Variants in TMEM108 observed in about 807,000 individuals in gnomAD.
TMEM108 encodes the protein transmembrane protein 108.
In TMEM108, 12 loss-of-function variants were observed where a neutral mutation model predicts 35.1. The ratio of observed to expected loss-of-function variants is 0.34; its 90% CI spans 0.22 to 0.55. The LOEUF (loss-of-function observed/expected upper bound fraction) is 0.55. TMEM108 is among the 20% of genes least tolerant of loss of function. The probability of loss-of-function intolerance (pLI) is 0.89; values close to 1 mark genes in which losing one functional copy is unlikely to be tolerated. For missense variants in TMEM108, 680 were observed against 753.3 expected (o/e 0.90, Z 1.14); for synonymous variants, 287 against 308.6 (o/e 0.93, Z 0.73).
At chr3:133,393,941 G>A (rs958973399) in intron 5 of TMEM108, among the ~76,000 whole-genome samples, 4 of 152,232 alleles carry the variant, frequency 2.6e-5, no homozygotes, top group African/African-American at 9.6e-5. Flanking sequence ...GTGATCTTCA[G>A]ACCAGGAGGG....
chr3:133,161,135 C>T (rs1944955785), intron 2 of TMEM108, among the ~76,000 whole-genome samples: 1 of 152,232 alleles, frequency 6.6e-6, no homozygotes, highest in African/African-American at 2.4e-5. Context: ...CCCGCCTCTA[C>T]CTTGGGCACC....
At chr3:133,149,943 A>G (rs1014427925) in intron 2 of TMEM108, among the ~76,000 whole-genome samples, 1 of 152,164 alleles carries the variant, frequency 6.6e-6, no homozygotes, top group East Asian at 1.9e-4. Context: ...TAGTGCTGCA[A>G]TAAATATGGG....
intron 2 of TMEM108, among the ~76,000 whole-genome samples, chr3:133,169,497 A>G (rs1343106002): frequency 6.6e-6 from 1 of 152,248 alleles, no homozygotes; most frequent in African/African-American, 2.4e-5. Flanking sequence ...GAGCTTGTGA[A>G]TGCTGCAGAT....
chr3:133,395,567 A>ATCTC lies in TMEM108; in HGVS notation c.1606-295_1606-292dup, dbSNP rs2073293151. Among the ~76,000 whole-genome samples the ATCTC allele has an allele frequency of 2.0e-5, 3 of 152,248 alleles. No homozygotes were observed. The South Asian group carries it at 6.2e-4, about 32-fold the overall frequency. ...AGACTTTGACAAGGAAAGCAGTACC[A>ATCTC]TCTCTGGCAACCTGGGATTGGGGTG... is the stretch of plus-strand genomic sequence containing the variant. On this transcript the variant is annotated intron_variant, in intron 5 of 5. Coordinates refer to ENST00000321871, the MANE Select transcript of TMEM108 (RefSeq NM_023943.4).
chr3:133,069,203 A>G (rs1382476929), intron 2 of TMEM108, among the ~76,000 whole-genome samples: 1 of 152,226 alleles, frequency 6.6e-6, no homozygotes, highest in Admixed American at 6.5e-5. Context: ...TTACTTAAGA[A>G]TGCAATTTCT....
chr3:133,223,078 GTC>G (rs1288559278), intron 2 of TMEM108, among the ~76,000 whole-genome samples: 24 of 152,226 alleles, frequency 1.6e-4, no homozygotes, highest in East Asian at 7.7e-4. Context: ...CAGTTTATAA[GTC>G]TCTGTTTCTT....
At chr3:133,353,073 A>G (rs1201752631) in intron 3 of TMEM108, among the ~76,000 whole-genome samples, 2 of 152,104 alleles carry the variant, frequency 1.3e-5, no homozygotes, top group Admixed American at 6.5e-5. Context: ...CCAAATATAT[A>G]TTTCTTATTA....
intron 2 of TMEM108, among the ~76,000 whole-genome samples, chr3:133,132,948 A>G (rs949832069): frequency 6.6e-6 from 1 of 152,218 alleles, no homozygotes; most frequent in African/African-American, 2.4e-5. Context: ...TGTAGTGGAA[A>G]TAGCAGGAAA....
intron 2 of TMEM108, among the ~76,000 whole-genome samples, chr3:133,175,545 A>C (rs1017817764): frequency 2.6e-5 from 4 of 152,180 alleles, no homozygotes; most frequent in African/African-American, 7.2e-5. Context: ...AGAATTTTCA[A>C]CCCAGAATTT....
At chr3:133,318,496 C>G (rs531708838) in intron 3 of TMEM108, among the ~76,000 whole-genome samples, 9 of 152,148 alleles carry the variant, frequency 5.9e-5, no homozygotes, top group African/African-American at 1.9e-4. Context: ...TAGTTGCAGT[C>G]CAAGAATTTA....
chr3:133,322,849 A>C (rs2071283818), intron 3 of TMEM108, among the ~76,000 whole-genome samples: 1 of 152,234 alleles, frequency 6.6e-6, no homozygotes, highest in Non-Finnish European at 1.5e-5. Flanking sequence ...CCAAGGATGC[A>C]GGGATGGTTT....
At chr3:133,064,236 A>C (rs539331391) in intron 2 of TMEM108, among the ~76,000 whole-genome samples, 37 of 152,332 alleles carry the variant, frequency 2.4e-4, no homozygotes, top group Non-Finnish European at 4.7e-4. Flanking sequence ...TGGTCACTCC[A>C]GAAGAGATTC....
At chr3:133,372,129 A>T (rs4479595) in intron 3 of TMEM108, among the ~76,000 whole-genome samples, 3 of 152,150 alleles carry the variant, frequency 2.0e-5, no homozygotes, top group Non-Finnish European at 4.4e-5. Context: ...GTTGCCCCCA[A>T]GTGTTGCTGC....
intron 3 of TMEM108, among the ~76,000 whole-genome samples, chr3:133,299,389 G>T (rs1037588043): frequency 6.6e-6 from 1 of 152,148 alleles, no homozygotes; most frequent in Non-Finnish European, 1.5e-5. Flanking sequence ...GTCAAGCCGT[G>T]TTCTCTAGAA....
intron 3 of TMEM108, among the ~76,000 whole-genome samples, chr3:133,359,605 C>A (rs574327391): frequency 6.6e-6 from 1 of 152,132 alleles, no homozygotes; most frequent in African/African-American, 2.4e-5. Context: ...CACCTTCAGG[C>A]GGGTTAAAGC....
At chr3:133,060,415 G>T (rs1211325430) in intron 2 of TMEM108, among the ~76,000 whole-genome samples, 3 of 152,178 alleles carry the variant, frequency 2.0e-5, no homozygotes, top group Non-Finnish European at 2.9e-5. Flanking sequence ...TATGAGTTTT[G>T]TGGGGGTGCT....
intron 3 of TMEM108, among the ~76,000 whole-genome samples, chr3:133,249,283 A>G (rs4624558): frequency 0.98 from 148,462 of 152,246 alleles, 72,474 homozygotes; most frequent in East Asian, 1. Context: ...AAATAAATAA[A>G]GACGGAAAAC....
intron 4 of TMEM108, chr3:133,387,425 A>G (rs1273696797): frequency 4.1e-6 from 4 of 985,358 alleles, no homozygotes; most frequent in Non-Finnish European, 4.8e-6. Context: ...CAGGAGCATG[A>G]ACATGTGAGG....
chr3:133,232,393 G>A (rs1946166233), intron 3 of TMEM108, among the ~76,000 whole-genome samples: 1 of 152,088 alleles, frequency 6.6e-6, no homozygotes, highest in African/African-American at 2.4e-5. Context: ...TGTGATCTCT[G>A]CACATATTGG....
Sources: allele counts gnomAD v4.1 joint callset (sites outside exome capture counted in the v4.1 genomes callset), GRCh38; gene constraint gnomAD v4.1.1; transcripts MANE v1.5; gene names NCBI Gene and HGNC (gene_info 2026-07-23, HGNC 2026-07-21).